VRK1: variants seen among roughly 807,000 people sequenced by gnomAD.
VRK1 encodes the protein VRK serine/threonine kinase 1.
Under a neutral mutation model 57.1 loss-of-function variants are expected in VRK1, and 33 were observed. The ratio of observed to expected loss-of-function variants is 0.58; its 90% CI spans 0.44 to 0.77. The LOEUF (loss-of-function observed/expected upper bound fraction) is 0.77. Ranked by LOEUF, VRK1 falls within the 30% of genes least tolerant of loss-of-function variation. The probability of loss-of-function intolerance (pLI) is 0.00; values close to 1 mark genes in which losing one functional copy is unlikely to be tolerated. For synonymous variants in VRK1, 137 were observed against 147.8 expected (o/e 0.93, Z 0.53); for missense variants, 413 against 477.3 (o/e 0.87, Z 1.25).
chr14:96,856,378 G>C, intron 9 of VRK1, 128 bp downstream of exon 9: 4 of 1,387,222 alleles, frequency 2.9e-6, no homozygotes, highest in South Asian at 2.5e-5. Context: ...TTGTTAAACA[G>C]TAAGGTTCCT....
chr14:96,837,340 A>G (rs750598882), intron 2 of VRK1, among the ~76,000 whole-genome samples: 12 of 152,150 alleles, frequency 7.9e-5, no homozygotes, highest in Admixed American at 2.6e-4. Flanking sequence ...GCTTTTTAGA[A>G]CTTTAGCCCC....
In VRK1 at chr14:96,881,187, CAGAA is replaced by C. The variant is rs749258908; in HGVS notation, c.1174_1177del (p.Lys392GlufsTer34). 6.2e-7 allele frequency: 1 copy of C among 1,605,956 alleles called. No homozygotes were observed. Among genetic ancestry groups the C allele is most frequent in the Middle Eastern group, 1.7e-4 (1 of 5,814 alleles). ...TGATTTTTCTTCAAGGTTCAAGAAC[CAGAA>C]AGAGAGTCCAGAAGTAATTCAGATG... is the stretch of plus-strand genomic sequence containing the variant. On this transcript the variant is annotated frameshift_variant, in exon 13 of 13. Coordinates refer to ENST00000216639, the MANE Select transcript of VRK1 (RefSeq NM_003384.3). LOFTEE classifies it high-confidence loss of function.
chr14:96,873,926 A>C (rs1453796527), intron 11 of VRK1, among the ~76,000 whole-genome samples: 1 of 152,206 alleles, frequency 6.6e-6, no homozygotes, highest in East Asian at 1.9e-4. Flanking sequence ...TACGTAATGC[A>C]TACTGCTTAA....
At chr14:96,827,857 TAAAC>T (rs1159678903) in intron 1 of VRK1, among the ~76,000 whole-genome samples, 1 of 152,306 alleles carries the variant, frequency 6.6e-6, no homozygotes, top group Non-Finnish European at 1.5e-5. Flanking sequence ...TTTACATAAA[TAAAC>T]AGGATGAAAT....
At chr14:96,839,013 A>G (rs187727044) in intron 3 of VRK1, among the ~76,000 whole-genome samples, 270 of 152,104 alleles carry the variant, frequency 1.8e-3, no homozygotes, top group African/African-American at 6.1e-3. Flanking sequence ...TCATACTAAA[A>G]AGATTCCTTA....
chr14:96,839,090 T>TTTG (rs1555360294), intron 3 of VRK1, among the ~76,000 whole-genome samples: 1 of 151,418 alleles, frequency 6.6e-6, no homozygotes, highest in Non-Finnish European at 1.5e-5. Flanking sequence ...TTGAGTTTTT[T>TTTG]TTTTTTTTTT....
At chr14:96,803,187 T>C (rs553569559) in intron 1 of VRK1, among the ~76,000 whole-genome samples, 2 of 144,818 alleles carry the variant, frequency 1.4e-5, no homozygotes, top group African/African-American at 4.9e-5. Flanking sequence ...TTTTTTTTTT[T>C]TGAGGCAGGT....
At chr14:96,844,291 A>T (rs1201305502) in intron 3 of VRK1, among the ~76,000 whole-genome samples, 2 of 152,210 alleles carry the variant, frequency 1.3e-5, no homozygotes, top group African/African-American at 4.8e-5. Context: ...TACTGAGTCC[A>T]TAAGTTAAGG....
chr14:96,856,066 A>G, intron 8 of VRK1, 64 bp from the exon 9 acceptor site: 8 of 1,561,126 alleles, frequency 5.1e-6, no homozygotes, highest in Non-Finnish European at 7.0e-6. Flanking sequence ...TACTTTATAT[A>G]TACTTTAAAT....
In VRK1 at chr14:96,840,989, G is replaced by A. The variant is rs947566159; in HGVS notation, c.216+3172G>A. 2.0e-5 allele frequency among the ~76,000 whole-genome samples: 3 copies of A among 151,822 alleles called. No individual in the cohort carries two copies. The East Asian group carries it at 5.8e-4, about 29-fold the overall frequency. On this transcript the variant is annotated intron_variant, in intron 3 of 12. Coordinates refer to ENST00000216639, the MANE Select transcript of VRK1 (RefSeq NM_003384.3). Reference sequence around the variant, plus strand: ...TCTCACCTCAGCCTCTCTAGCAGCTGGGACTAAAGGCACGCACCACCATGC... The same window carrying A: ...TCTCACCTCAGCCTCTCTAGCAGCTAGGACTAAAGGCACGCACCACCATGC...
At position 96,847,272 on chromosome 14, in the gene VRK1, G is replaced by A. The variant is rs372646027; in HGVS notation, c.302G>A (p.Arg101His). The change falls in exon 5 of 13, where the codon CGT becomes CAT. Residue 101 changes from arginine (R) to histidine (H), a missense_variant. Arg to His is a conservative substitution (Grantham distance 29). Transcript: ENST00000216639. ...AKPEQIQKWI[R>H]TRKLKYLGVP... ...TAATTTGTAGTTCAGAAATGGATTC[G>A]TACCCGTAAGCTGAAGTACCTGGGT... 3.8e-5 allele frequency: 61 copies of A among 1,613,382 alleles called. No individual in the cohort carries two copies. Among genetic ancestry groups the A allele is most frequent in the Non-Finnish European group, 4.7e-5 (56 of 1,179,572 alleles).
chr14:96,797,505 AG>A (rs1885477636), intron 1 of VRK1, 58 bp downstream of exon 1: 1 of 152,116 alleles, frequency 6.6e-6, no homozygotes, highest in Admixed American at 6.6e-5. Context: ...GGGGGCGCGG[AG>A]GCGGGCGGCC....
At chr14:96,852,992 AG>A (rs143300010) in intron 6 of VRK1, 53 bp downstream of exon 6, 91,713 of 1,605,816 alleles carry the variant, frequency 0.057, 3,031 homozygotes, top group Non-Finnish European at 0.066. Context: ...AGTACAGTAA[AG>A]GCTAGTTTAT....
intron 11 of VRK1, among the ~76,000 whole-genome samples, chr14:96,865,238 A>G (rs1595684228): frequency 6.6e-6 from 1 of 152,324 alleles, no homozygotes; most frequent in Middle Eastern, 3.4e-3. Context: ...GATTTTGTGC[A>G]TGGTGTGAGT....
chr14:96,837,908 A>C, intron 3 of VRK1, 91 bp downstream of exon 3: 1 of 817,660 alleles, frequency 1.2e-6, no homozygotes, highest in Non-Finnish European at 1.8e-6. Flanking sequence ...GAATTAATTA[A>C]ACCATAAGAT....
In VRK1 at chr14:96,800,108, AT is replaced by A; in HGVS notation, c.-6+2664del. ...AAGGGTGATAGAACCCTAATAAAAC[AT>A]TTAGGTAGGTGTTGTAACCAAGATG... On this transcript the variant is annotated intron_variant, in intron 1 of 12. Transcript: ENST00000216639. Among the ~76,000 whole-genome samples, 4 of 152,260 alleles carry A rather than the reference AT, an allele frequency of 2.6e-5. No homozygotes were observed. In the South Asian group the frequency reaches 8.3e-4, roughly 32 times the overall value.
At chr14:96,874,002 T>C (rs1398228049) in intron 11 of VRK1, among the ~76,000 whole-genome samples, 1 of 152,200 alleles carries the variant, frequency 6.6e-6, no homozygotes, top group East Asian at 1.9e-4. Context: ...TTTACCTGCA[T>C]GGAGATTAAG....
At chr14:96,867,366 GT>G in intron 11 of VRK1, among the ~76,000 whole-genome samples, 1 of 151,390 alleles carries the variant, frequency 6.6e-6, no homozygotes, top group African/African-American at 2.4e-5. Context: ...CCTAATTTTT[GT>G]TTTTTACTAG....
intron 11 of VRK1, among the ~76,000 whole-genome samples, chr14:96,864,857 T>A (rs188952207): frequency 3.3e-5 from 5 of 152,248 alleles, no homozygotes; most frequent in Middle Eastern, 3.4e-3. Context: ...AACATTTTTG[T>A]ATGCCTGCCA....
Sources: allele counts gnomAD v4.1 joint callset (sites outside exome capture counted in the v4.1 genomes callset), GRCh38; gene constraint gnomAD v4.1.1; transcripts MANE v1.5; gene names NCBI Gene and HGNC (gene_info 2026-07-23, HGNC 2026-07-21).